Variants in CEP112 observed in about 807,000 individuals in gnomAD.
The protein encoded by CEP112 is centrosomal protein 112.
In CEP112, 127 loss-of-function variants were observed where a neutral mutation model predicts 153.0. The observed-to-expected ratio is 0.83, with a 90% confidence interval of 0.72 to 0.96. CEP112 has a LOEUF of 0.96. Ranked by LOEUF, CEP112 falls within the 40% of genes least tolerant of loss-of-function variation. The pLI, the probability that CEP112 is intolerant of heterozygous loss-of-function variation, is 0.00. For synonymous variants in CEP112, 358 were observed against 374.4 expected, an observed-to-expected ratio of 0.96 and a Z score of 0.51; for missense variants, 1,089 against 1,101.2, an observed-to-expected ratio of 0.99 and a Z score of 0.16.
chr17:65,694,382 A>G (rs187528510), intron 23 of CEP112, among the ~76,000 whole-genome samples: 1 of 152,320 alleles, frequency 6.6e-6, no homozygotes, highest in Admixed American at 6.5e-5. Flanking sequence ...TCCTTTTTCC[A>G]TACTTCACAT....
At chr17:65,826,710 G>C (rs62065085) in intron 21 of CEP112, among the ~76,000 whole-genome samples, 34,522 of 152,148 alleles carry the variant, frequency 0.23, 4,028 homozygotes, top group South Asian at 0.26. Flanking sequence ...GTGCATAATA[G>C]AGAACATTTC....
intron 18 of CEP112, among the ~76,000 whole-genome samples, chr17:65,955,396 C>T (rs954224462): frequency 7.9e-5 from 12 of 152,136 alleles, no homozygotes; most frequent in African/African-American, 2.9e-4. Flanking sequence ...TCTAAATACA[C>T]CAAAGCATAA....
At chr17:65,955,361 G>T (rs922689216) in intron 18 of CEP112, among the ~76,000 whole-genome samples, 4 of 152,128 alleles carry the variant, frequency 2.6e-5, no homozygotes, top group African/African-American at 9.7e-5. Context: ...CTGCTAAAAG[G>T]TGTTCTAAAT....
At chr17:65,701,886 CTTTTTTTTTTTGTTTTT>C (rs1337483858) in intron 23 of CEP112, among the ~76,000 whole-genome samples, 1 of 129,094 alleles carries the variant, frequency 7.7e-6, no homozygotes, top group Admixed American at 7.8e-5. Context: ...CCTTCAACTT[CTTTTTTTTTTTGTTTTT>C]TTTTTTTTTT....
At chr17:65,685,407 A>G (rs1037261417) in intron 24 of CEP112, among the ~76,000 whole-genome samples, 2 of 152,220 alleles carry the variant, frequency 1.3e-5, no homozygotes, top group Admixed American at 6.5e-5. Context: ...TAATTCTGCC[A>G]GTTTCAATTT....
At chr17:65,705,887 T>A (rs1372360364) in intron 23 of CEP112, among the ~76,000 whole-genome samples, 1 of 152,176 alleles carries the variant, frequency 6.6e-6, no homozygotes, top group Non-Finnish European at 1.5e-5. Context: ...GTCTTAGGTA[T>A]GACAATGGCA....
chr17:65,913,790 G>T, intron 19 of CEP112: 1 of 985,396 alleles, frequency 1.0e-6, no homozygotes, highest in Non-Finnish European at 1.2e-6. Context: ...AGAGCAGAAG[G>T]CTGGAAACAC....
At chr17:66,076,417 G>C (rs974373697) in intron 8 of CEP112, among the ~76,000 whole-genome samples, 1 of 152,108 alleles carries the variant, frequency 6.6e-6, no homozygotes, top group African/African-American at 2.4e-5. Flanking sequence ...AGCTGGGTGA[G>C]AGCTGTGACT....
chr17:66,038,833 A>G (rs887366541), intron 12 of CEP112, among the ~76,000 whole-genome samples: 2 of 152,230 alleles, frequency 1.3e-5, no homozygotes, highest in Non-Finnish European at 2.9e-5. Flanking sequence ...CTAGGAACTC[A>G]GATTCTTAAT....
intron 24 of CEP112, among the ~76,000 whole-genome samples, chr17:65,646,808 G>A (rs950709110): frequency 2.0e-5 from 3 of 152,194 alleles, no homozygotes; most frequent in Non-Finnish European, 2.9e-5. Context: ...AGCACAACAG[G>A]GGCCAGGGCC....
intron 19 of CEP112, 72 bp downstream of exon 19, chr17:65,927,510 T>C (rs73346893): frequency 0.015 from 11,623 of 779,524 alleles, 546 homozygotes; most frequent in African/African-American, 0.12. Context: ...TATTTTGTGA[T>C]AGTGATTTTT....
intron 24 of CEP112, among the ~76,000 whole-genome samples, chr17:65,662,517 C>G (rs971415630): frequency 6.6e-6 from 1 of 152,050 alleles, no homozygotes; most frequent in African/African-American, 2.4e-5. Flanking sequence ...AGATTTTGTT[C>G]TTTCCGTTGA....
intron 24 of CEP112, 85 bp downstream of exon 24, chr17:65,689,044 A>G: frequency 2.1e-6 from 2 of 941,736 alleles, no homozygotes; most frequent in Non-Finnish European, 3.5e-6. Context: ...CTGAGATTAC[A>G]GGTGTGAGCC....
intron 6 of CEP112, among the ~76,000 whole-genome samples, chr17:66,112,632 C>A (rs566312665): frequency 6.6e-6 from 1 of 151,952 alleles, no homozygotes; most frequent in African/African-American, 2.4e-5. Flanking sequence ...CAGAGAAATG[C>A]GCATATTCTT....
intron 21 of CEP112, among the ~76,000 whole-genome samples, chr17:65,752,586 G>A (rs1183476843): frequency 6.6e-6 from 1 of 152,134 alleles, no homozygotes; most frequent in African/African-American, 2.4e-5. Context: ...ATAGGGATGG[G>A]GGCAGTCTTG....
intron 6 of CEP112, among the ~76,000 whole-genome samples, chr17:66,117,421 A>T (rs1448305517): frequency 6.6e-6 from 1 of 152,214 alleles, no homozygotes; most frequent in South Asian, 2.1e-4. Context: ...AGACCAAAAA[A>T]AAAATAAAAT....
intron 21 of CEP112, among the ~76,000 whole-genome samples, chr17:65,815,561 A>C (rs2056218462): frequency 6.6e-6 from 1 of 152,136 alleles, no homozygotes; most frequent in Non-Finnish European, 1.5e-5. Flanking sequence ...GGTTTGGATG[A>C]GGACTGCACT....
At chr17:65,648,457 ACGG>A (rs2045558195) in intron 24 of CEP112, among the ~76,000 whole-genome samples, 2 of 152,222 alleles carry the variant, frequency 1.3e-5, no homozygotes, top group Admixed American at 1.3e-4. Context: ...CCTCCAAGGC[ACGG>A]CACTGACACT....
intron 16 of CEP112, among the ~76,000 whole-genome samples, chr17:66,008,220 C>T (rs983867366): frequency 2.2e-4 from 34 of 152,112 alleles, no homozygotes; most frequent in African/African-American, 7.9e-4. Flanking sequence ...AGCTAAGTCA[C>T]ATATTCATAT....
Sources: allele counts gnomAD v4.1 joint callset (sites outside exome capture counted in the v4.1 genomes callset), GRCh38; gene constraint gnomAD v4.1.1; transcripts MANE v1.5; gene names NCBI Gene and HGNC (gene_info 2026-07-23, HGNC 2026-07-21).